Variants in PEX14 observed in about 807,000 individuals in gnomAD.
The protein encoded by PEX14 is peroxisomal biogenesis factor 14, also known as peroxisomal membrane protein PEX14.
Under a neutral mutation model 49.5 loss-of-function variants are expected in PEX14, and 15 were observed. The ratio of observed to expected loss-of-function variants is 0.30; its 90% CI spans 0.20 to 0.47. PEX14 has a LOEUF of 0.47. PEX14 is among the 20% of genes least tolerant of loss of function. The pLI, the probability that PEX14 is intolerant of heterozygous loss-of-function variation, is 1.00. For synonymous variants in PEX14, 210 were observed against 212.7 expected, an observed-to-expected ratio of 0.99 and a Z score of 0.11; for missense variants, 398 against 494.8, an observed-to-expected ratio of 0.80 and a Z score of 1.86.
At chr1:10,618,255 G>A (rs1160389638) in intron 4 of PEX14, 77 bp from the exon 5 acceptor site, 2 of 1,086,952 alleles carry the variant, frequency 1.8e-6, no homozygotes, top group Non-Finnish European at 2.8e-6. Flanking sequence ...CTGTGCCACT[G>A]AGGCACCTGT....
At chr1:10,608,740 A>ATT (rs58094572) in intron 4 of PEX14, among the ~76,000 whole-genome samples, 1 of 149,782 alleles carries the variant, frequency 6.7e-6, no homozygotes, top group Non-Finnish European at 1.5e-5. Context: ...TTAAAAAAAA[A>ATT]TAAAAAAAAA....
rs918423372 is a variant in PEX14, at chr1:10,628,081, G to A, written c.677+718G>A. ...CTCCCGAGTAGCTGGGATTACAGGC[G>A]CCCGCCACCACTCCCGGCTAATTTT... is the stretch of plus-strand genomic sequence containing the variant. On this transcript the variant is annotated intron_variant, in intron 8 of 8. Transcript: ENST00000356607. This position sits in a 1 kb window ranked among gnomAD's most constrained non-coding sequence, Gnocchi z 4.5. Among the ~76,000 whole-genome samples, 5 of 152,070 alleles carry A rather than the reference G, an allele frequency of 3.3e-5. No individual in the cohort carries two copies. Among genetic ancestry groups the A allele is most frequent in the Non-Finnish European group, 5.9e-5 (4 of 67,998 alleles).
chr1:10,618,264 G>C (rs1456950177), intron 4 of PEX14, 68 bp from the exon 5 acceptor site: 1 of 1,250,908 alleles, frequency 8.0e-7, no homozygotes, highest in East Asian at 2.3e-5. Flanking sequence ...TGAGGCACCT[G>C]TGCCAGCCCC....
chr1:10,609,467 A>G (rs1641215008), intron 4 of PEX14, among the ~76,000 whole-genome samples: 1 of 152,252 alleles, frequency 6.6e-6, no homozygotes, highest in South Asian at 2.1e-4. Flanking sequence ...CAATCACAAT[A>G]TAGAAAATTT....
At chr1:10,489,533 C>T (rs1334369227) in intron 1 of PEX14, among the ~76,000 whole-genome samples, 6 of 152,212 alleles carry the variant, frequency 3.9e-5, no homozygotes, top group Non-Finnish European at 2.9e-5. Flanking sequence ...CTGCTTGGGA[C>T]TCATGATTCC....
intron 4 of PEX14, among the ~76,000 whole-genome samples, chr1:10,600,759 G>A (rs1367398825): frequency 6.6e-6 from 1 of 152,090 alleles, no homozygotes; most frequent in Non-Finnish European, 1.5e-5. Context: ...TACTGGATCT[G>A]TGATCTCTCA....
At chr1:10,608,395 C>T (rs553249298) in intron 4 of PEX14, among the ~76,000 whole-genome samples, 3 of 152,188 alleles carry the variant, frequency 2.0e-5, no homozygotes, top group Non-Finnish European at 4.4e-5. Flanking sequence ...GGCTTGGTGG[C>T]TCACATCTGT....
chr1:10,569,581 A>T (rs185727774), intron 3 of PEX14, among the ~76,000 whole-genome samples: 10 of 152,074 alleles, frequency 6.6e-5, no homozygotes, highest in Admixed American at 4.6e-4. Context: ...TCTTTCTTGG[A>T]TTGCTTCTTT....
chr1:10,625,367 C>T (rs1570369927), intron 7 of PEX14, among the ~76,000 whole-genome samples: 1 of 152,234 alleles, frequency 6.6e-6, no homozygotes, highest in South Asian at 2.1e-4. Context: ...CCCCCACAGC[C>T]TGGGCTCTGG....
chr1:10,558,541 CCTGA>C (rs1452664880), intron 3 of PEX14, among the ~76,000 whole-genome samples: 1 of 151,846 alleles, frequency 6.6e-6, no homozygotes, highest in Non-Finnish European at 1.5e-5. Flanking sequence ...TCAAGACCAG[CCTGA>C]CTAACATAGT....
chr1:10,556,190 G>C (rs892474394), intron 3 of PEX14, among the ~76,000 whole-genome samples: 1 of 152,150 alleles, frequency 6.6e-6, no homozygotes, highest in Non-Finnish European at 1.5e-5. Context: ...TGTCCTGCCT[G>C]CCCCTTCAGC....
At chr1:10,603,640 G>A (rs1373977360) in intron 4 of PEX14, among the ~76,000 whole-genome samples, 1 of 152,180 alleles carries the variant, frequency 6.6e-6, no homozygotes, top group Non-Finnish European at 1.5e-5. Context: ...CAGTGCATGT[G>A]TATAGGTGCA....
chr1:10,511,577 C>T (rs996090867), intron 2 of PEX14, among the ~76,000 whole-genome samples: 4 of 152,104 alleles, frequency 2.6e-5, no homozygotes, highest in East Asian at 3.8e-4. Flanking sequence ...ATGGAGGGAC[C>T]CCTGACATCT....
intron 4 of PEX14, among the ~76,000 whole-genome samples, chr1:10,614,763 G>A (rs1386824527): frequency 2.6e-5 from 4 of 152,218 alleles, no homozygotes; most frequent in Non-Finnish European, 5.9e-5. Context: ...GCTGCAGGGA[G>A]GGATGTTCCG....
chr1:10,583,306 A>G (rs1570306235), intron 3 of PEX14, among the ~76,000 whole-genome samples: 1 of 147,150 alleles, frequency 6.8e-6, no homozygotes, highest in Non-Finnish European at 1.5e-5. Flanking sequence ...TGCAGCCTTG[A>G]CCTCCTGGGC....
intron 3 of PEX14, among the ~76,000 whole-genome samples, chr1:10,556,801 TAATC>T (rs778948379): frequency 2.6e-5 from 4 of 152,176 alleles, no homozygotes; most frequent in Non-Finnish European, 4.4e-5. Context: ...ACCAGCTAAT[TAATC>T]CTCAGAGCAC....
chr1:10,516,317 A>T (rs913642898), intron 2 of PEX14, among the ~76,000 whole-genome samples: 9 of 152,216 alleles, frequency 5.9e-5, no homozygotes, highest in Non-Finnish European at 1.3e-4. Context: ...TACTGAGTAC[A>T]TAGTCTGAGA....
intron 3 of PEX14, among the ~76,000 whole-genome samples, chr1:10,549,978 G>A (rs1445835091): frequency 6.6e-6 from 1 of 152,128 alleles, no homozygotes; most frequent in African/African-American, 2.4e-5. Flanking sequence ...CATCCAACAA[G>A]TATTTATTGA....
At chr1:10,506,879 C>T (rs1360805073) in intron 2 of PEX14, among the ~76,000 whole-genome samples, 2 of 152,188 alleles carry the variant, frequency 1.3e-5, no homozygotes, top group Non-Finnish European at 2.9e-5. Flanking sequence ...AAGGGCTTGG[C>T]TTTACATCAA....
Sources: gnomAD v4.1 joint callset for allele counts (sites outside exome capture counted in the v4.1 genomes callset) on GRCh38, gnomAD v4.1.1 for gene constraint, Gnocchi (gnomAD v3.1) non-coding constraint, MANE v1.5 for transcripts, NCBI Gene and HGNC (gene_info 2026-07-23, HGNC 2026-07-21) for gene names.